FAM107B: variants seen among roughly 807,000 people sequenced by gnomAD.
The protein encoded by FAM107B is family with sequence similarity 107 member B, also known as protein FAM107B.
A neutral mutation model predicts 31.5 loss-of-function variants in FAM107B; 21 were observed. That is an observed-to-expected ratio of 0.67 (90% confidence interval 0.47 to 0.96). The LOEUF is 0.96. Ranked by LOEUF, FAM107B falls within the 40% of genes least tolerant of loss-of-function variation. The pLI is 0.00. For synonymous variants in FAM107B, 157 were observed against 141.5 expected, an observed-to-expected ratio of 1.11 and a Z score of -0.78; for missense variants, 452 against 377.1, an observed-to-expected ratio of 1.20 and a Z score of -1.64.
chr10:14,631,993 C>A (rs1853366587), intron 2 of FAM107B, among the ~76,000 whole-genome samples: 1 of 152,074 alleles, frequency 6.6e-6, no homozygotes, highest in Non-Finnish European at 1.5e-5. Flanking sequence ...CCATTGGAAT[C>A]CTCTGATAAA....
At chr10:14,559,525 A>C (rs1192699631) in intron 2 of FAM107B, among the ~76,000 whole-genome samples, 1 of 150,838 alleles carries the variant, frequency 6.6e-6, no homozygotes, top group Non-Finnish European at 1.5e-5. Context: ...TTTCAGCACC[A>C]AACTTCAGTC....
At chr10:14,555,530 T>G (rs987296801) in intron 2 of FAM107B, among the ~76,000 whole-genome samples, 1 of 152,224 alleles carries the variant, frequency 6.6e-6, no homozygotes, top group African/African-American at 2.4e-5. Context: ...TCACTCTCAT[T>G]TTTTTAAATA....
At chr10:14,758,321 A>G (rs2609813) in intron 1 of FAM107B, among the ~76,000 whole-genome samples, 32,928 of 151,988 alleles carry the variant, frequency 0.22, 5,717 homozygotes, top group African/African-American at 0.48. Context: ...TGACTAGGAT[A>G]TTTCATTGCC....
At chr10:14,756,865 A>C (rs1000349498) in intron 1 of FAM107B, among the ~76,000 whole-genome samples, 1 of 152,216 alleles carries the variant, frequency 6.6e-6, no homozygotes, top group Admixed American at 6.5e-5. Context: ...TTGCAGGGAC[A>C]TGGATGGAAC....
chr10:14,652,783 T>C (rs943233824), intron 2 of FAM107B: 4 of 152,196 alleles, frequency 2.6e-5, no homozygotes, highest in African/African-American at 4.8e-5. Context: ...TAAAATCAAA[T>C]ACCGCAGCTG....
intron 2 of FAM107B, among the ~76,000 whole-genome samples, chr10:14,573,900 T>C (rs1210291421): frequency 1.3e-5 from 2 of 150,756 alleles, no homozygotes; most frequent in African/African-American, 4.9e-5. Flanking sequence ...GGATACATGA[T>C]ATAAAAACAA....
intron 1 of FAM107B, among the ~76,000 whole-genome samples, chr10:14,767,047 TATATATATAGAGAGAGAGAGAGAGAGAG>T (rs1833185255): frequency 2.6e-5 from 1 of 38,244 alleles, no homozygotes; most frequent in African/African-American, 8.6e-5. Context: ...TATATATATA[TATATATATAGAGAGAGAGAGAGAGAGAG>T]AGAGAGAGAG....
chr10:14,723,537 C>G lies in FAM107B; in HGVS notation c.411+50716G>C, dbSNP rs546053862. 626 of 636,838 alleles carry G rather than the reference C, an allele frequency of 9.8e-4. 11 individuals are homozygous for G. The highest frequency in any genetic ancestry group is 9.5e-3 in the South Asian group (602 of 63,534). The allele number at this position is 636,838 out of a possible 1,614,324, so 39.4% of individuals were successfully genotyped here. On this transcript the variant is annotated intron_variant, in intron 1 of 4. Coordinates refer to ENST00000181796, the MANE Select transcript of FAM107B (RefSeq NM_031453.4). ...CTTCCCAGGCCAGCATACACCACAT[C>G]AAACCCACTGTGTGAGCTCCCTTAC...
chr10:14,640,891 C>CT (rs1291723422), intron 2 of FAM107B, among the ~76,000 whole-genome samples: 2 of 152,106 alleles, frequency 1.3e-5, no homozygotes, highest in African/African-American at 4.8e-5. Flanking sequence ...ACATTTTCCC[C>CT]TTTTTTTAAA....
At chr10:14,640,297 G>A (rs920398917) in intron 2 of FAM107B, among the ~76,000 whole-genome samples, 1 of 152,188 alleles carries the variant, frequency 6.6e-6, no homozygotes, top group African/African-American at 2.4e-5. Context: ...TTAACCACAT[G>A]CTCTGCTGCC....
intron 1 of FAM107B, among the ~76,000 whole-genome samples, chr10:14,757,962 A>C (rs977825793): frequency 6.6e-6 from 1 of 152,072 alleles, no homozygotes; most frequent in African/African-American, 2.4e-5. Flanking sequence ...GTTTTGAAAG[A>C]TCTCCAGTTA....
chr10:14,698,100 G>T (rs1855308877), intron 1 of FAM107B, among the ~76,000 whole-genome samples: 1 of 151,926 alleles, frequency 6.6e-6, no homozygotes, highest in Non-Finnish European at 1.5e-5. Flanking sequence ...ACTCCAGCCT[G>T]GGCAACAGAG....
At chr10:14,686,263 C>T (rs189274966) in intron 1 of FAM107B, among the ~76,000 whole-genome samples, 1 of 152,176 alleles carries the variant, frequency 6.6e-6, no homozygotes, top group Non-Finnish European at 1.5e-5. Context: ...TTGGTTGGCA[C>T]CTGTAGTCCC....
rs367788824 is a variant in FAM107B, at chr10:14,747,076, A to G, written c.411+27177T>C. Among the ~76,000 whole-genome samples the G allele has an allele frequency of 6.6e-5, 10 of 152,088 alleles. No homozygotes were observed. The East Asian group carries it at 1.7e-3, about 26-fold the overall frequency. ...GCTCTGAAATTCTTTCCTCTACTTGATCAATTTGGCTATTGATACTTGTGG... is the reference window on the plus strand; with the variant it reads ...GCTCTGAAATTCTTTCCTCTACTTGGTCAATTTGGCTATTGATACTTGTGG... On this transcript the variant is annotated intron_variant, in intron 1 of 4. Transcript: ENST00000181796.
chr10:14,752,483 T>TA (rs1441494536), intron 1 of FAM107B, among the ~76,000 whole-genome samples: 1 of 152,250 alleles, frequency 6.6e-6, no homozygotes. Context: ...TAGGTTCTAG[T>TA]AAACCTCGGT....
chr10:14,552,760 T>C (rs148494269), intron 2 of FAM107B, among the ~76,000 whole-genome samples: 5 of 151,880 alleles, frequency 3.3e-5, no homozygotes, highest in African/African-American at 9.7e-5. Flanking sequence ...ACCCGGGAGA[T>C]GGAAGGGTTG....
At chr10:14,589,732 G>A (rs1851956690) in intron 2 of FAM107B, among the ~76,000 whole-genome samples, 1 of 151,764 alleles carries the variant, frequency 6.6e-6, no homozygotes, top group Admixed American at 6.6e-5. Flanking sequence ...CAGATTGATG[G>A]GTGCGCCAAA....
At chr10:14,561,477 A>C (rs1328379610) in intron 2 of FAM107B, among the ~76,000 whole-genome samples, 2 of 152,102 alleles carry the variant, frequency 1.3e-5, no homozygotes, top group African/African-American at 4.8e-5. Flanking sequence ...CGGAGCAGCA[A>C]ACACAGAGGC....
At chr10:14,664,648 G>A (rs913083499) in intron 2 of FAM107B, among the ~76,000 whole-genome samples, 1 of 152,168 alleles carries the variant, frequency 6.6e-6, no homozygotes, top group African/African-American at 2.4e-5. Context: ...GTTTGTGTAA[G>A]TGCCCTCTAT....
Sources: gnomAD v4.1 joint callset for allele counts (sites outside exome capture counted in the v4.1 genomes callset) on GRCh38, gnomAD v4.1.1 for gene constraint, MANE v1.5 for transcripts, NCBI Gene and HGNC (gene_info 2026-07-23, HGNC 2026-07-21) for gene names.